Variants in CAST observed in about 807,000 individuals in gnomAD.
CAST encodes the protein MIR583 host.
CAST carries 76 observed loss-of-function variants against 119.6 expected under a neutral mutation model. That is an observed-to-expected ratio of 0.64 (90% confidence interval 0.53 to 0.77). CAST has a LOEUF of 0.77. Ranked by LOEUF, CAST falls within the 30% of genes least tolerant of loss-of-function variation. The pLI is 0.00. For missense variants in CAST, 953 were observed against 946.5 expected, an observed-to-expected ratio of 1.01 and a Z score of -0.09; for synonymous variants, 319 against 331.6, an observed-to-expected ratio of 0.96 and a Z score of 0.41.
At chr5:96,378,022 C>A in the CAST span, among the ~76,000 whole-genome samples, 14 of 151,952 alleles carry the variant, frequency 9.2e-5, no homozygotes, top group Admixed American at 4.6e-4. Context: ...TATGGACGAA[C>A]CTGGGGGACA....
the CAST span, among the ~76,000 whole-genome samples, chr5:96,095,080 A>G: frequency 1.3e-5 from 2 of 152,336 alleles, no homozygotes; most frequent in African/African-American, 4.8e-5. Context: ...AGCCAAGGTC[A>G]TTGTGCAAGA....
chr5:96,729,718 A>G lies in CAST; in HGVS notation c.542A>G (p.Glu181Gly). 1 of 1,422,746 alleles carries G rather than the reference A, an allele frequency of 7.0e-7. No individual in the cohort carries two copies. Among genetic ancestry groups the G allele is most frequent in the East Asian group, 2.3e-5 (1 of 44,028 alleles). The allele number at this position is 1,422,746 out of a possible 1,614,324, so 88.1% of individuals were successfully genotyped here. A position where few individuals can be genotyped will look rare whatever the true frequency, so the allele number is the denominator to read the frequency against. Residue 181 changes from glutamate to glycine, a missense_variant, in exon 8 of 32, where the codon GAA (glutamate) becomes GGA (glycine). Coordinates refer to ENST00000675179, the MANE Select transcript of CAST (RefSeq NM_001750.7). Reference sequence around the variant, plus strand: ...CAGCAGCCATCAGAGAAATCAACAGAACCAAAGGTAAATGAAGCAGATTGA... The same window carrying G: ...CAGCAGCCATCAGAGAAATCAACAGGACCAAAGGTAAATGAAGCAGATTGA... ...AEQQPSEKST[E>G]PKTKPQDMIS...
the CAST span, among the ~76,000 whole-genome samples, chr5:96,408,710 CT>C: frequency 6.6e-6 from 1 of 152,240 alleles, no homozygotes; most frequent in Non-Finnish European, 1.5e-5. Context: ...GAAATTCTGT[CT>C]CATACAAAAT....
the CAST span, among the ~76,000 whole-genome samples, chr5:95,965,954 T>C: frequency 6.6e-6 from 1 of 152,180 alleles, no homozygotes; most frequent in Admixed American, 6.5e-5. Flanking sequence ...ATCATCATTA[T>C]TGCTAAATTT....
intron 1 of CAST, among the ~76,000 whole-genome samples, chr5:96,567,384 T>G (rs893329930): frequency 7.9e-5 from 12 of 152,138 alleles, no homozygotes; most frequent in Admixed American, 3.3e-4. Context: ...TCCCCAGTGG[T>G]AGTCCTTCCT....
At chr5:96,648,973 G>A (rs1748058370) in intron 1 of CAST, among the ~76,000 whole-genome samples, 1 of 152,110 alleles carries the variant, frequency 6.6e-6, no homozygotes, top group African/African-American at 2.4e-5. Context: ...TCATGTTTTT[G>A]TTGCATAAAC....
At chr5:96,262,093 G>A in the CAST span, among the ~76,000 whole-genome samples, 1 of 152,100 alleles carries the variant, frequency 6.6e-6, no homozygotes, top group African/African-American at 2.4e-5. Context: ...AGTTTTCTTG[G>A]GAAAGTAGTC....
At chr5:96,320,569 G>A in the CAST span, among the ~76,000 whole-genome samples, 1 of 152,174 alleles carries the variant, frequency 6.6e-6, no homozygotes, top group African/African-American at 2.4e-5. Context: ...GAGCAGCACT[G>A]GGGCTCCTGG....
chr5:96,280,575 T>C, the CAST span, among the ~76,000 whole-genome samples: 2 of 152,238 alleles, frequency 1.3e-5, no homozygotes, highest in African/African-American at 4.8e-5. Context: ...AACATGACTT[T>C]GGGTAAGACC....
At chr5:96,471,594 T>C in the CAST span, among the ~76,000 whole-genome samples, 3 of 152,252 alleles carry the variant, frequency 2.0e-5, no homozygotes, top group East Asian at 5.8e-4. Context: ...CATTCCTGAC[T>C]CCTACCAAAT....
chr5:96,324,149 T>G, the CAST span, among the ~76,000 whole-genome samples: 1 of 152,236 alleles, frequency 6.6e-6, no homozygotes, highest in African/African-American at 2.4e-5. Context: ...CTGATCTTTA[T>G]TTAATTCACC....
At chr5:96,682,847 T>A (rs570600883) in intron 2 of CAST, among the ~76,000 whole-genome samples, 27 of 152,262 alleles carry the variant, frequency 1.8e-4, no homozygotes, top group African/African-American at 6.3e-4. Flanking sequence ...AGGGAATAAC[T>A]CCATTTTTTA....
chr5:96,678,279 A>G (rs1750937773), intron 2 of CAST, among the ~76,000 whole-genome samples: 1 of 152,240 alleles, frequency 6.6e-6, no homozygotes, highest in African/African-American at 2.4e-5. Flanking sequence ...TCAAACTGGC[A>G]TGTACCCTCC....
At chr5:96,100,058 A>T in the CAST span, among the ~76,000 whole-genome samples, 1 of 152,250 alleles carries the variant, frequency 6.6e-6, no homozygotes, top group East Asian at 1.9e-4. Flanking sequence ...CAGTGTTGGG[A>T]TGGTGCTCAG....
At chr5:96,689,953 A>G (rs79495764) in intron 2 of CAST, among the ~76,000 whole-genome samples, 205 of 152,184 alleles carry the variant, frequency 1.3e-3, no homozygotes, top group African/African-American at 4.8e-3. Flanking sequence ...AGGTATAGCT[A>G]TTTTCCCTTT....
chr5:96,088,501 G>A, the CAST span, among the ~76,000 whole-genome samples: 1 of 152,124 alleles, frequency 6.6e-6, no homozygotes, highest in East Asian at 1.9e-4. Flanking sequence ...AATGTGTGGC[G>A]GCAGAATTCT....
the CAST span, among the ~76,000 whole-genome samples, chr5:96,320,065 G>A: frequency 6.6e-6 from 1 of 151,458 alleles, no homozygotes; most frequent in East Asian, 2.0e-4. Context: ...TCCCTGTGTC[G>A]CCCTGCTGAA....
intron 1 of CAST, among the ~76,000 whole-genome samples, chr5:96,538,738 C>A (rs371783191): frequency 2.0e-5 from 3 of 151,696 alleles, no homozygotes; most frequent in Admixed American, 6.6e-5. Context: ...TAAGACCCCC[C>A]CACACACACA....
At chr5:96,405,003 G>A in the CAST span, among the ~76,000 whole-genome samples, 7 of 152,152 alleles carry the variant, frequency 4.6e-5, no homozygotes, top group African/African-American at 1.7e-4. Flanking sequence ...GATGGCACAT[G>A]ATTAAATGAT....
Sources: allele counts gnomAD v4.1 joint callset (sites outside exome capture counted in the v4.1 genomes callset), GRCh38; gene constraint gnomAD v4.1.1; transcripts MANE v1.5; gene names NCBI Gene and HGNC (gene_info 2026-07-23, HGNC 2026-07-21).